MTHFD2L: variants seen among roughly 807,000 people sequenced by gnomAD.
MTHFD2L encodes bifunctional methylenetetrahydrofolate dehydrogenase/cyclohydrolase 2, mitochondrial.
MTHFD2L carries 29 observed loss-of-function variants against 34.9 expected under a neutral mutation model. The observed-to-expected ratio is 0.83, with a 90% confidence interval of 0.62 to 1.13. The LOEUF (loss-of-function observed/expected upper bound fraction) is 1.13. Among genes scored for constraint, MTHFD2L ranks in the 50% most tolerant of loss-of-function variants. The pLI is 0.00. For missense variants in MTHFD2L, 481 were observed against 446.5 expected (o/e 1.08, Z -0.70); for synonymous variants, 167 against 155.7 (o/e 1.07, Z -0.54).
intron 1 of MTHFD2L, among the ~76,000 whole-genome samples, chr4:74,129,290 C>T (rs1293281574): frequency 6.6e-6 from 1 of 152,068 alleles, no homozygotes; most frequent in Non-Finnish European, 1.5e-5. Flanking sequence ...ACAGAATACA[C>T]ATTCTTCTCA....
chr4:74,152,153 A>G (rs1362134000), intron 1 of MTHFD2L, among the ~76,000 whole-genome samples: 1 of 151,976 alleles, frequency 6.6e-6, no homozygotes, highest in Non-Finnish European at 1.5e-5. Flanking sequence ...TTTATCAGTT[A>G]TATTGTTCAA....
intron 6 of MTHFD2L, among the ~76,000 whole-genome samples, chr4:74,257,097 GA>G (rs1388871706): frequency 1.3e-5 from 2 of 152,062 alleles, no homozygotes; most frequent in African/African-American, 4.8e-5. Flanking sequence ...CATGAGCACA[GA>G]ACTTTTTCCC....
chr4:74,180,650 C>T lies in MTHFD2L; in HGVS notation c.451+5247C>T, dbSNP rs772826139. 105 of 447,202 alleles carry T rather than the reference C, an allele frequency of 2.3e-4. 1 individual carries two copies. Among genetic ancestry groups the T allele is most frequent in the South Asian group, 1.6e-3 (104 of 63,404 alleles). 27.7% of individuals were successfully genotyped at this position (447,202 alleles called of 1,614,324 possible). ...TAGAATTCTGTCCTGTTTAATGGTA[C>T]TGGGACTGTCACAAGCTAAGCCTTG... On this transcript the variant is annotated intron_variant, in intron 3 of 7. Transcript: ENST00000325278.
chr4:74,147,982 T>C (rs1723699188), intron 1 of MTHFD2L, among the ~76,000 whole-genome samples: 1 of 152,188 alleles, frequency 6.6e-6, no homozygotes, highest in South Asian at 2.1e-4. Flanking sequence ...CTGTTGATTA[T>C]GTCCTCTGCT....
intron 6 of MTHFD2L, among the ~76,000 whole-genome samples, chr4:74,269,701 T>C (rs758129348): frequency 1.3e-5 from 2 of 152,180 alleles, no homozygotes; most frequent in Non-Finnish European, 2.9e-5. Context: ...AGAGTCTGAT[T>C]TTCTATCTTC....
chr4:74,258,019 A>C (rs955913400), intron 6 of MTHFD2L, among the ~76,000 whole-genome samples: 2 of 152,120 alleles, frequency 1.3e-5, no homozygotes, highest in African/African-American at 4.8e-5. Context: ...ATGCAGATCA[A>C]AACTGTAATG....
At chr4:74,238,193 A>G (rs1402163650) in intron 6 of MTHFD2L, among the ~76,000 whole-genome samples, 1 of 152,172 alleles carries the variant, frequency 6.6e-6, no homozygotes, top group East Asian at 1.9e-4. Context: ...TTTGAAATGT[A>G]CTATGGAGAC....
intron 1 of MTHFD2L, among the ~76,000 whole-genome samples, chr4:74,130,524 A>G (rs759072096): frequency 6.6e-6 from 1 of 152,210 alleles, no homozygotes; most frequent in Non-Finnish European, 1.5e-5. Context: ...AAGGCCTTCA[A>G]TAAAATTCTG....
At chr4:74,127,385 T>C (rs1460883579) in intron 1 of MTHFD2L, among the ~76,000 whole-genome samples, 2 of 152,176 alleles carry the variant, frequency 1.3e-5, no homozygotes, top group African/African-American at 2.4e-5. Flanking sequence ...CACTATTCAA[T>C]CTCTGTTCTT....
chr4:74,256,368 C>G (rs911403847), intron 6 of MTHFD2L, among the ~76,000 whole-genome samples: 1 of 152,128 alleles, frequency 6.6e-6, no homozygotes, highest in Non-Finnish European at 1.5e-5. Context: ...GTCTCGGTAC[C>G]TCCCAAAGGG....
At chr4:74,193,504 A>G (rs1016342511) in intron 3 of MTHFD2L, among the ~76,000 whole-genome samples, 8 of 152,202 alleles carry the variant, frequency 5.3e-5, no homozygotes, top group Admixed American at 3.9e-4. Flanking sequence ...GATGATTGCA[A>G]TGACTCTATA....
At chr4:74,148,678 TACTA>T (rs751633298) in intron 1 of MTHFD2L, among the ~76,000 whole-genome samples, 5 of 146,924 alleles carry the variant, frequency 3.4e-5, no homozygotes, top group Admixed American at 6.8e-5. Flanking sequence ...AGGAGAGTGC[TACTA>T]ACTTTTAAAA....
intron 7 of MTHFD2L, among the ~76,000 whole-genome samples, chr4:74,289,591 T>TGACA (rs2110302180): frequency 6.6e-6 from 1 of 152,320 alleles, no homozygotes; most frequent in South Asian, 2.1e-4. Context: ...GGCTACTGAA[T>TGACA]GACACATAGG....
intron 2 of MTHFD2L, among the ~76,000 whole-genome samples, chr4:74,115,317 T>C (rs1201454937): frequency 2.0e-5 from 3 of 152,236 alleles, no homozygotes; most frequent in Non-Finnish European, 4.4e-5. Context: ...TCATATCTAT[T>C]AGTTTGGAGA....
intron 1 of MTHFD2L, among the ~76,000 whole-genome samples, chr4:74,131,003 A>G (rs1722453187): frequency 6.6e-6 from 1 of 152,180 alleles, no homozygotes. Flanking sequence ...TACAAAAAGA[A>G]TAAAATACCT....
chr4:74,194,645 G>C (rs1733156062), intron 3 of MTHFD2L: 1 of 152,158 alleles, frequency 6.6e-6, no homozygotes, highest in East Asian at 1.9e-4. Context: ...ACATATTTAA[G>C]ATTAGCCTAA....
intron 1 of MTHFD2L, among the ~76,000 whole-genome samples, chr4:74,147,288 T>C (rs2109848321): frequency 1.3e-5 from 2 of 152,312 alleles, no homozygotes; most frequent in South Asian, 4.1e-4. Context: ...AGGTCGGCTC[T>C]TTAAGCCCAG....
At chr4:74,201,992 A>T (rs1734520684) in intron 5 of MTHFD2L, among the ~76,000 whole-genome samples, 1 of 152,180 alleles carries the variant, frequency 6.6e-6, no homozygotes, top group African/African-American at 2.4e-5. Context: ...AGAAATTTGC[A>T]GGGGTCTGTC....
intron 6 of MTHFD2L, chr4:74,241,600 A>G (rs1276161573): frequency 2.3e-6 from 1 of 443,950 alleles, no homozygotes; most frequent in East Asian, 7.4e-5. Flanking sequence ...GACCTCTCCA[A>G]CTCCTGAACT....
Sources: allele counts gnomAD v4.1 joint callset (sites outside exome capture counted in the v4.1 genomes callset), GRCh38; gene constraint gnomAD v4.1.1; transcripts MANE v1.5; gene names NCBI Gene and HGNC (gene_info 2026-07-23, HGNC 2026-07-21).